The following MICU1 variants were observed in gnomAD, a reference collection of about 807,000 sequenced individuals.
The protein encoded by MICU1 is mitochondrial calcium uptake 1, also known as calcium uptake protein 1, mitochondrial.
In MICU1, 45 loss-of-function variants were observed where a neutral mutation model predicts 56.8. That is an observed-to-expected ratio of 0.79 (90% CI 0.62 to 1.02). MICU1 has a LOEUF of 1.02. Ranked by LOEUF, MICU1 falls within the 50% of genes least tolerant of loss-of-function variation. MICU1 has a pLI of 0.00. For synonymous variants in MICU1, 186 were observed against 195.1 expected (o/e 0.95, Z 0.39); for missense variants, 504 against 587.1 (o/e 0.86, Z 1.46).
intron 4 of MICU1, among the ~76,000 whole-genome samples, chr10:72,541,921 T>C (rs1475291877): frequency 6.6e-6 from 1 of 152,162 alleles, no homozygotes; most frequent in Non-Finnish European, 1.5e-5. Context: ...TTTGTATAAA[T>C]GTATACAAAT....
intron 2 of MICU1, among the ~76,000 whole-genome samples, chr10:72,565,722 T>C (rs1840414835): frequency 6.6e-6 from 1 of 151,852 alleles, no homozygotes; most frequent in South Asian, 2.1e-4. Context: ...CCCAGCTACT[T>C]GAGAATTGCT....
chr10:72,586,758 C>T (rs774290549), intron 1 of MICU1, among the ~76,000 whole-genome samples: 3 of 151,998 alleles, frequency 2.0e-5, no homozygotes, highest in Non-Finnish European at 4.4e-5. Context: ...TCTTAATCAT[C>T]AAACCAAAAT....
chr10:72,380,049 G>T (rs1862649524), intron 10 of MICU1, among the ~76,000 whole-genome samples: 2 of 152,102 alleles, frequency 1.3e-5, no homozygotes, highest in African/African-American at 4.8e-5. Flanking sequence ...CCTGAGAGTT[G>T]GTTCATTCAT....
In MICU1 at chr10:72,475,217, A is replaced by AGACT; in HGVS notation, c.812_815dup (p.Gly273ValfsTer15). The AGACT allele has an allele frequency of 2.5e-6, 4 of 1,611,244 alleles. No homozygotes were observed. Among genetic ancestry groups the AGACT allele is most frequent in the Non-Finnish European group, 3.4e-6 (4 of 1,178,620 alleles). On this transcript the variant is annotated frameshift_variant, in exon 8 of 12. Transcript: ENST00000361114. LOFTEE classifies it high-confidence loss of function. ...AGGTTGTGAGGGCTGAACACAAGCC[A>AGACT]GACTTGAGGGTGTTGCCAGTAGTTG...
chr10:72,496,848 A>G (rs1337422308), intron 6 of MICU1, among the ~76,000 whole-genome samples: 2 of 152,214 alleles, frequency 1.3e-5, no homozygotes, highest in Non-Finnish European at 2.9e-5. Flanking sequence ...CTGGGATTAC[A>G]GGAGTGAGCC....
chr10:72,462,228 T>C (rs568199763), intron 8 of MICU1, among the ~76,000 whole-genome samples: 3 of 151,696 alleles, frequency 2.0e-5, no homozygotes, highest in East Asian at 1.9e-4. Flanking sequence ...TCTTTTTTTT[T>C]TTTTTTGAGC....
At chr10:72,444,444 C>CTTTT (rs754274260) in intron 8 of MICU1, among the ~76,000 whole-genome samples, 19 of 107,658 alleles carry the variant, frequency 1.8e-4, no homozygotes, top group African/African-American at 2.8e-4. Flanking sequence ...GAGTCTTTGC[C>CTTTT]TTTTTTTTTT....
intron 10 of MICU1, chr10:72,379,442 T>A (rs11000276): frequency 7.2e-6 from 2 of 278,670 alleles, no homozygotes; most frequent in Non-Finnish European, 1.5e-5. Context: ...TAACCATTCC[T>A]TTTTCTGCAT....
At chr10:72,375,613 G>A (rs1012117340) in intron 11 of MICU1, among the ~76,000 whole-genome samples, 170 bp downstream of exon 11, 4 of 152,240 alleles carry the variant, frequency 2.6e-5, no homozygotes, top group Admixed American at 6.5e-5. Flanking sequence ...CCAGGGGTTC[G>A]ATTTCTCAGT....
intron 3 of MICU1, among the ~76,000 whole-genome samples, chr10:72,561,566 C>T (rs1346854897): frequency 6.6e-6 from 1 of 152,226 alleles, no homozygotes; most frequent in Admixed American, 6.5e-5. Context: ...AAACCCAGCA[C>T]TTTGGCAGGC....
chr10:72,443,336 T>C (rs1369639250), intron 8 of MICU1, among the ~76,000 whole-genome samples: 1 of 152,204 alleles, frequency 6.6e-6, no homozygotes, highest in East Asian at 1.9e-4. Flanking sequence ...TTCACTCTGA[T>C]GGTAGTTTCT....
intron 10 of MICU1, among the ~76,000 whole-genome samples, chr10:72,395,505 G>T (rs1351437738): frequency 6.6e-6 from 1 of 152,188 alleles, no homozygotes; most frequent in Non-Finnish European, 1.5e-5. Context: ...AGCACAAGGG[G>T]TCAGGGGATT....
intron 1 of MICU1, among the ~76,000 whole-genome samples, chr10:72,589,981 C>G (rs1483825672): frequency 6.6e-6 from 1 of 151,770 alleles, no homozygotes. Context: ...GCCCCTCATT[C>G]AAGCCTGTGC....
chr10:72,434,811 C>T (rs1038671234), intron 8 of MICU1, among the ~76,000 whole-genome samples: 2 of 152,198 alleles, frequency 1.3e-5, no homozygotes, highest in Admixed American at 1.3e-4. Flanking sequence ...TAATACAACA[C>T]ATTCCCACAC....
intron 1 of MICU1, among the ~76,000 whole-genome samples, chr10:72,587,464 CAAA>C (rs35303837): frequency 2.2e-5 from 2 of 92,864 alleles, no homozygotes; most frequent in Admixed American, 1.3e-4. Flanking sequence ...CAGCATGTCT[CAAA>C]AAAAAAAAAA....
intron 1 of MICU1, among the ~76,000 whole-genome samples, chr10:72,588,776 TG>T (rs1479325711): frequency 2.0e-5 from 3 of 152,166 alleles, no homozygotes; most frequent in Non-Finnish European, 2.9e-5. Flanking sequence ...ACATGCTAGA[TG>T]CCGGCAGCAC....
chr10:72,525,237 A>G (rs575521500), intron 5 of MICU1, among the ~76,000 whole-genome samples: 1 of 152,168 alleles, frequency 6.6e-6, no homozygotes, highest in South Asian at 2.1e-4. Context: ...ACCACTCCAA[A>G]CTATTTTCAA....
chr10:72,607,886 G>T lies in MICU1; in HGVS notation c.-2+18124C>A, dbSNP rs557021843. On this transcript the variant is annotated intron_variant, in intron 1 of 11. Transcript: ENST00000361114. ...TCTACACTAACTCTAGTTAGTACCA[G>T]AATTGAACTGAATTGTAGGACATTC... Among the ~76,000 whole-genome samples, 192 of 152,174 alleles carry T rather than the reference G, an allele frequency of 1.3e-3. 4 individuals carry two copies. The South Asian group carries it at 0.037, about 29-fold the overall frequency.
At chr10:72,381,993 C>CACACACAT (rs1862721786) in intron 10 of MICU1, among the ~76,000 whole-genome samples, 1 of 150,942 alleles carries the variant, frequency 6.6e-6, no homozygotes, top group Admixed American at 6.6e-5. Context: ...CACACACACA[C>CACACACAT]ACACACACAC....
Sources: allele counts gnomAD v4.1 joint callset (sites outside exome capture counted in the v4.1 genomes callset), GRCh38; gene constraint gnomAD v4.1.1; transcripts MANE v1.5; gene names NCBI Gene and HGNC (gene_info 2026-07-23, HGNC 2026-07-21).